Variants in CDH4 observed in about 807,000 individuals in gnomAD.
CDH4 encodes the protein cadherin-4.
In CDH4, 33 loss-of-function variants were observed where a neutral mutation model predicts 86.0. The ratio of observed to expected loss-of-function variants is 0.38; its 90% confidence interval spans 0.29 to 0.51. CDH4 has a LOEUF of 0.51. Ranked by LOEUF, CDH4 falls within the 20% of genes least tolerant of loss-of-function variation. CDH4 has a pLI of 0.86. For synonymous variants in CDH4, 555 were observed against 549.4 expected (o/e 1.01, Z -0.14); for missense variants, 1,114 against 1,307.4 (o/e 0.85, Z 2.28).
At chr20:61,693,494 G>T (rs775282694) in intron 2 of CDH4, among the ~76,000 whole-genome samples, 2 of 152,362 alleles carry the variant, frequency 1.3e-5, no homozygotes, top group Admixed American at 1.3e-4. Flanking sequence ...CCCCAAGGCC[G>T]AAGGCACTGG....
intron 9 of CDH4, 107 bp downstream of exon 9, chr20:61,910,714 C>A: frequency 9.4e-7 from 1 of 1,063,876 alleles, no homozygotes. Flanking sequence ...TACTGCCCCC[C>A]TAATATCCAA....
At chr20:61,411,693 C>A (rs545795899) in intron 2 of CDH4, among the ~76,000 whole-genome samples, 2 of 152,250 alleles carry the variant, frequency 1.3e-5, no homozygotes, top group East Asian at 3.9e-4. Flanking sequence ...TCAAAAAAAT[C>A]AAAATGAAAT....
intron 2 of CDH4, chr20:61,599,763 A>G (rs1260488093): frequency 8.1e-6 from 8 of 985,324 alleles, no homozygotes; most frequent in Non-Finnish European, 9.6e-6. Context: ...TCTCCCACGC[A>G]CTGGCGCTCT....
chr20:61,483,052 G>A lies in CDH4; in HGVS notation c.169+228115G>A, dbSNP rs186581361. The stretch of plus-strand genomic sequence containing the variant: ...AGGCTGTGCTAAGTCAGGATGGTCC[G>A]AAACCTTCAGCTCTGCTGCTGTGAA... On this transcript the variant is annotated intron_variant, in intron 2 of 15. Coordinates refer to ENST00000614565, the MANE Select transcript of CDH4 (RefSeq NM_001794.5). 3.0e-4 allele frequency among the ~76,000 whole-genome samples: 45 copies of A among 152,354 alleles called. No homozygotes were observed. The East Asian group carries it at 7.7e-3, about 26-fold the overall frequency.
intron 2 of CDH4, among the ~76,000 whole-genome samples, chr20:61,642,643 T>C (rs1017669506): frequency 9.2e-5 from 14 of 152,234 alleles, no homozygotes; most frequent in African/African-American, 3.4e-4. Context: ...TTTTGTTTCC[T>C]ATTGTGCTGT....
chr20:61,775,033 G>A (rs913871819), intron 4 of CDH4, among the ~76,000 whole-genome samples: 1 of 152,180 alleles, frequency 6.6e-6, no homozygotes, highest in Admixed American at 6.5e-5. Context: ...TCCTTTGGGT[G>A]TACACTTAGC....
chr20:61,580,690 C>T (rs1161441126), intron 2 of CDH4, among the ~76,000 whole-genome samples: 4 of 152,216 alleles, frequency 2.6e-5, no homozygotes, highest in South Asian at 2.1e-4. Flanking sequence ...AGCAGGGATC[C>T]GTGTTATGGA....
chr20:61,421,715 C>G (rs1467466047), intron 2 of CDH4, among the ~76,000 whole-genome samples: 1 of 152,228 alleles, frequency 6.6e-6, no homozygotes, highest in South Asian at 2.1e-4. Flanking sequence ...GTCTTCTCCC[C>G]CTGCCGGGGT....
chr20:61,579,176 A>C (rs2086406517), intron 2 of CDH4, among the ~76,000 whole-genome samples: 1 of 152,000 alleles, frequency 6.6e-6, no homozygotes. Context: ...CACTCTCACA[A>C]TTCTTCCAGG....
intron 5 of CDH4, among the ~76,000 whole-genome samples, chr20:61,851,433 C>G (rs1175904942): frequency 6.6e-6 from 1 of 152,214 alleles, no homozygotes; most frequent in East Asian, 1.9e-4. Flanking sequence ...CCCCCCTGAT[C>G]CCCTGAGTTC....
chr20:61,934,883 CCATCTTCCCCTTTG>C (rs1165074251), intron 15 of CDH4, among the ~76,000 whole-genome samples: 3 of 152,258 alleles, frequency 2.0e-5, no homozygotes. Context: ...CCCCAGCCTT[CCATCTTCCCCTTTG>C]CAAGAAACAT....
At chr20:61,563,585 A>G (rs1016612902) in intron 2 of CDH4, among the ~76,000 whole-genome samples, 25 of 152,230 alleles carry the variant, frequency 1.6e-4, no homozygotes, top group African/African-American at 5.5e-4. Flanking sequence ...AGTTCCTTCC[A>G]CTACCCGTGG....
intron 2 of CDH4, among the ~76,000 whole-genome samples, chr20:61,419,500 G>T (rs2085165463): frequency 6.6e-6 from 1 of 152,172 alleles, no homozygotes; most frequent in African/African-American, 2.4e-5. Context: ...ACATCCTGGG[G>T]TAGCTTTCCA....
rs182148377 is a variant in CDH4 at position 61,742,118 on chromosome 20, C to T, written c.170-1445C>T. Among the ~76,000 whole-genome samples, 4 of 145,802 alleles carry T rather than the reference C, an allele frequency of 2.7e-5. No individual in the cohort carries two copies. In the East Asian group the frequency reaches 7.8e-4, roughly 28 times the overall value. ...TACTATAAAAGCAGTTTGGAATTTT[C>T]CTGTCACTTCAAAAAAAAAAAATGT... On this transcript the variant is annotated intron_variant, in intron 2 of 15. Coordinates refer to ENST00000614565, the MANE Select transcript of CDH4 (RefSeq NM_001794.5).
At chr20:61,926,161 G>A (rs771458436) in intron 11 of CDH4, among the ~76,000 whole-genome samples, 25 of 152,200 alleles carry the variant, frequency 1.6e-4, no homozygotes, top group Non-Finnish European at 2.5e-4. Flanking sequence ...CAAAACAGGC[G>A]GCTGGGAGGC....
intron 2 of CDH4, among the ~76,000 whole-genome samples, chr20:61,433,499 T>C (rs2085260645): frequency 1.7e-5 from 2 of 119,016 alleles, no homozygotes; most frequent in African/African-American, 6.5e-5. Context: ...TAGAATCCAC[T>C]TGTCATGTAA....
At chr20:61,474,915 G>A (rs1014073118) in intron 2 of CDH4, among the ~76,000 whole-genome samples, 1 of 152,082 alleles carries the variant, frequency 6.6e-6, no homozygotes, top group African/African-American at 2.4e-5. Context: ...GCAGAGTTTG[G>A]TTGTAAACTT....
intron 2 of CDH4, among the ~76,000 whole-genome samples, chr20:61,624,375 G>T (rs976758814): frequency 6.6e-6 from 1 of 152,196 alleles, no homozygotes; most frequent in African/African-American, 2.4e-5. Context: ...CCCAGCATCG[G>T]GCAGACATGG....
intron 2 of CDH4, among the ~76,000 whole-genome samples, chr20:61,553,578 T>G (rs1200859188): frequency 6.6e-6 from 1 of 152,234 alleles, no homozygotes; most frequent in Non-Finnish European, 1.5e-5. Context: ...GTCCGATTGT[T>G]GGGTCATAGG....
Sources: allele counts gnomAD v4.1 joint callset (sites outside exome capture counted in the v4.1 genomes callset), GRCh38; gene constraint gnomAD v4.1.1; transcripts MANE v1.5; gene names NCBI Gene and HGNC (gene_info 2026-07-23, HGNC 2026-07-21).